Variants in DOCK1 observed in about 807,000 individuals in gnomAD.
DOCK1 encodes the protein dedicator of cytokinesis protein 1.
DOCK1 carries 138 observed loss-of-function variants against 262.7 expected under a neutral mutation model. The ratio of observed to expected loss-of-function variants is 0.53; its 90% CI spans 0.46 to 0.61. DOCK1 has a LOEUF of 0.61. Ranked by LOEUF, DOCK1 falls within the 20% of genes least tolerant of loss-of-function variation. The pLI, the probability that DOCK1 is intolerant of heterozygous loss-of-function variation, is 0.00. For synonymous variants in DOCK1, 866 were observed against 867.4 expected (o/e 1.00, Z 0.03); for missense variants, 1,908 against 2,370.7 (o/e 0.80, Z 4.05).
At chr10:127,192,143 CTCT>C (rs1210171933) in intron 27 of DOCK1, among the ~76,000 whole-genome samples, 1 of 152,140 alleles carries the variant, frequency 6.6e-6, no homozygotes, top group Non-Finnish European at 1.5e-5. Context: ...ATGTAAGACT[CTCT>C]TCTTTTCTTT....
intron 38 of DOCK1, among the ~76,000 whole-genome samples, chr10:127,401,517 C>T (rs992476298): frequency 6.6e-6 from 1 of 152,166 alleles, no homozygotes; most frequent in South Asian, 2.1e-4. Context: ...CTACTTCCAG[C>T]GTCGTGCACC....
At chr10:127,151,410 GT>G (rs2052474278) in intron 27 of DOCK1, among the ~76,000 whole-genome samples, 1 of 152,142 alleles carries the variant, frequency 6.6e-6, no homozygotes. Flanking sequence ...TGTAACTTCT[GT>G]TTGTAGCAGA....
intron 27 of DOCK1, among the ~76,000 whole-genome samples, chr10:127,234,564 T>C (rs2058976816): frequency 6.6e-6 from 1 of 152,006 alleles, no homozygotes; most frequent in African/African-American, 2.4e-5. Flanking sequence ...AAGGCTGATA[T>C]TGTAAGCCTC....
At chr10:127,376,057 G>A (rs1590773993) in intron 35 of DOCK1, among the ~76,000 whole-genome samples, 1 of 152,268 alleles carries the variant, frequency 6.6e-6, no homozygotes, top group South Asian at 2.1e-4. Flanking sequence ...GCACGCTAAA[G>A]ACAAAAACAC....
chr10:127,424,562 C>G (rs1046048299), intron 46 of DOCK1, among the ~76,000 whole-genome samples: 2 of 152,178 alleles, frequency 1.3e-5, no homozygotes, highest in African/African-American at 4.8e-5. Context: ...CCAACACATT[C>G]GACATCCCAC....
intron 29 of DOCK1, among the ~76,000 whole-genome samples, chr10:127,260,207 G>A (rs1009894104): frequency 6.6e-6 from 1 of 152,184 alleles, no homozygotes; most frequent in Non-Finnish European, 1.5e-5. Flanking sequence ...TGGCATTTTG[G>A]ACCAAAGCCT....
intron 27 of DOCK1, among the ~76,000 whole-genome samples, chr10:127,184,952 T>C (rs937409904): frequency 1.3e-5 from 2 of 152,138 alleles, no homozygotes; most frequent in African/African-American, 4.8e-5. Flanking sequence ...CAAGGCATAC[T>C]CTTTGGCAGT....
intron 51 of DOCK1, among the ~76,000 whole-genome samples, chr10:127,448,549 C>T (rs991479487): frequency 4.6e-5 from 7 of 152,154 alleles, no homozygotes; most frequent in Admixed American, 3.3e-4. Context: ...GGCGGGCGAG[C>T]GATTGACTCA....
At chr10:126,922,564 C>T (rs2134115514) in intron 1 of DOCK1, among the ~76,000 whole-genome samples, 1 of 152,222 alleles carries the variant, frequency 6.6e-6, no homozygotes, top group South Asian at 2.1e-4. Flanking sequence ...GAGGGAGGCG[C>T]CATGATCCAA....
intron 27 of DOCK1, among the ~76,000 whole-genome samples, chr10:127,200,209 G>T (rs1428931846): frequency 1.3e-5 from 2 of 152,108 alleles, no homozygotes; most frequent in Non-Finnish European, 2.9e-5. Context: ...TGTGCAAAGT[G>T]AAAACAAGTT....
chr10:127,290,410 GT>G (rs1475930252), intron 29 of DOCK1, among the ~76,000 whole-genome samples: 1 of 152,060 alleles, frequency 6.6e-6, no homozygotes, highest in African/African-American at 2.4e-5. Context: ...TTTGTATTGT[GT>G]TTTTAAAACT....
At chr10:127,419,414 G>A (rs1334721783) in intron 45 of DOCK1, among the ~76,000 whole-genome samples, 1 of 152,226 alleles carries the variant, frequency 6.6e-6, no homozygotes, top group Non-Finnish European at 1.5e-5. Context: ...CACCAGGTCA[G>A]CTGTGGCCTT....
intron 23 of DOCK1, among the ~76,000 whole-genome samples, chr10:127,071,875 G>A (rs144372661): frequency 1.3e-5 from 2 of 152,252 alleles, no homozygotes; most frequent in East Asian, 3.9e-4. Flanking sequence ...ACTTGTTAGA[G>A]GACAATGCTT....
chr10:127,067,387 C>T (rs2045940631), intron 23 of DOCK1, among the ~76,000 whole-genome samples: 1 of 152,112 alleles, frequency 6.6e-6, no homozygotes, highest in South Asian at 2.1e-4. Flanking sequence ...GCATGCAGGA[C>T]CTTGGCATAG....
chr10:126,989,361 C>G (rs993106455), intron 5 of DOCK1, among the ~76,000 whole-genome samples: 2 of 152,156 alleles, frequency 1.3e-5, no homozygotes, highest in African/African-American at 4.8e-5. Flanking sequence ...GGGTCTTGCT[C>G]TGTTGCCCAG....
intron 1 of DOCK1, among the ~76,000 whole-genome samples, chr10:126,942,597 G>A (rs961230952): frequency 2.3e-4 from 35 of 151,960 alleles, no homozygotes; most frequent in Admixed American, 1.7e-3. Context: ...GAACGAGCCA[G>A]CCCCGAGGGA....
At chr10:127,369,709 T>TG (rs143405370) in intron 33 of DOCK1, among the ~76,000 whole-genome samples, 8,177 of 152,092 alleles carry the variant, frequency 0.054, 488 homozygotes, top group African/African-American at 0.15. Context: ...GGCTCATGAG[T>TG]GTTTCACAGG....
At position 127,369,368 on chromosome 10, in the gene DOCK1, A is replaced by C. The variant is rs968933358; in HGVS notation, c.3433-4413A>C. On this transcript the variant is annotated intron_variant, in intron 33 of 51. Coordinates refer to ENST00000623213, the MANE Select transcript of DOCK1 (RefSeq NM_001290223.2). Reference sequence around the variant, plus strand: ...GGCACAAGAGGCTTCTGTTTCATTGAATCCAGACCCAAAGATGGTCTGAGA... The same window carrying C: ...GGCACAAGAGGCTTCTGTTTCATTGCATCCAGACCCAAAGATGGTCTGAGA... Among the ~76,000 whole-genome samples the C allele has an allele frequency of 2.6e-5, 4 of 152,202 alleles. No homozygotes were observed. The South Asian group carries it at 6.2e-4, about 24-fold the overall frequency.
At chr10:127,364,792 ACCTCCTC>A (rs2064807320) in intron 33 of DOCK1, among the ~76,000 whole-genome samples, 1 of 150,722 alleles carries the variant, frequency 6.6e-6, no homozygotes, top group Middle Eastern at 3.2e-3. Context: ...TGGTGTTAGT[ACCTCCTC>A]CCTTCTTCCT....
Sources: gnomAD v4.1 joint callset for allele counts (sites outside exome capture counted in the v4.1 genomes callset) on GRCh38, gnomAD v4.1.1 for gene constraint, MANE v1.5 for transcripts, NCBI Gene and HGNC (gene_info 2026-07-23, HGNC 2026-07-21) for gene names.